Variants in RPTOR observed in about 807,000 individuals in gnomAD.
The protein encoded by RPTOR is regulatory-associated protein of mTOR.
Under a neutral mutation model 169.9 loss-of-function variants are expected in RPTOR, and 21 were observed. The observed-to-expected ratio is 0.12, with a 90% CI of 0.09 to 0.18. RPTOR has a LOEUF of 0.18. Among genes scored for constraint, RPTOR ranks in the 10% least tolerant of loss-of-function variants. The probability of loss-of-function intolerance (pLI) is 1.00; values close to 1 mark genes in which losing one functional copy is unlikely to be tolerated. For synonymous variants in RPTOR, 732 were observed against 753.2 expected (o/e 0.97, Z 0.46); for missense variants, 1,133 against 1,855.9 (o/e 0.61, Z 7.16).
At chr17:80,963,773 GCGGCCC>G (rs1263227375) in intron 33 of RPTOR, among the ~76,000 whole-genome samples, 1 of 126,554 alleles carries the variant, frequency 7.9e-6, no homozygotes, top group Non-Finnish European at 1.6e-5. Context: ...CGTCCCCTCT[GCGGCCC>G]TCACCCCGTC....
At chr17:80,906,222 A>G (rs1051177511) in intron 20 of RPTOR, among the ~76,000 whole-genome samples, 11 of 152,284 alleles carry the variant, frequency 7.2e-5, no homozygotes, top group Admixed American at 1.3e-4. Context: ...TAAAAAAAAA[A>G]AATGAGGACG....
intron 7 of RPTOR, among the ~76,000 whole-genome samples, chr17:80,814,790 G>C (rs115864624): frequency 0.031 from 4,789 of 152,284 alleles, 273 homozygotes; most frequent in African/African-American, 0.11. Context: ...CCTCAGCTTA[G>C]ACACAGCCTA....
Position 80,634,488 on chromosome 17 carries a change from CATACTGTGTGTGT to C in RPTOR, c.265+8696_265+8708del, listed in dbSNP as rs1474278850. 4.5e-3 allele frequency among the ~76,000 whole-genome samples: 370 copies of C among 82,074 alleles called. 5 individuals carry two copies. Among genetic ancestry groups the C allele is most frequent in the African/African-American group, 0.022 (335 of 14,998 alleles). The allele number at this position is 82,074 out of a possible 152,430, so 53.8% of individuals were successfully genotyped here. A position where few individuals can be genotyped will look rare whatever the true frequency, so the allele number is the denominator to read the frequency against. On this transcript the variant is annotated intron_variant, in intron 2 of 33. Coordinates refer to ENST00000306801, the MANE Select transcript of RPTOR (RefSeq NM_020761.3). ...TGTGTGCGTGTGCATACTGTGTGTG[CATACTGTGTGTGT>C]GCATACTGTGTGTGTGTGCGTACTG...
In RPTOR at chr17:80,768,452, A is replaced by G. The variant is rs137986345; in HGVS notation, c.830+14267A>G. Among the ~76,000 whole-genome samples, 1,402 of 152,308 alleles carry G rather than the reference A, an allele frequency of 9.2e-3. 18 individuals are homozygous for G. Among genetic ancestry groups the G allele is most frequent in the African/African-American group, 0.029 (1,185 of 41,560 alleles). ...AAAAGGAGCATTCAGAAAAGAATTA[A>G]GACTGTGCAGTTCAGCCCACAGTTG... On this transcript the variant is annotated intron_variant, in intron 6 of 33. Transcript: ENST00000306801.
intron 9 of RPTOR, among the ~76,000 whole-genome samples, chr17:80,825,200 C>T (rs1281269689): frequency 2.0e-5 from 3 of 149,592 alleles, no homozygotes; most frequent in African/African-American, 7.5e-5. Context: ...GGCCGCGTGG[C>T]GAGGCCAGCG....
chr17:80,811,989 A>T (rs2067278620), intron 7 of RPTOR, among the ~76,000 whole-genome samples: 2 of 151,980 alleles, frequency 1.3e-5, no homozygotes, highest in Non-Finnish European at 2.9e-5. Context: ...AGCCTCTTTA[A>T]CAAGGCCTCG....
At chr17:80,866,015 T>A (rs900910860) in intron 13 of RPTOR, among the ~76,000 whole-genome samples, 3 of 152,116 alleles carry the variant, frequency 2.0e-5, no homozygotes, top group Non-Finnish European at 4.4e-5. Flanking sequence ...AACTTTTAGA[T>A]AAATAAATGA....
intron 9 of RPTOR, among the ~76,000 whole-genome samples, chr17:80,828,188 T>C (rs1167479479): frequency 1.3e-5 from 2 of 152,160 alleles, no homozygotes; most frequent in Admixed American, 6.5e-5. Context: ...GCTTCCCCGG[T>C]GTCTGAACGA....
chr17:80,610,386 A>G (rs1191374068), intron 1 of RPTOR, among the ~76,000 whole-genome samples: 4 of 152,216 alleles, frequency 2.6e-5, no homozygotes, highest in Non-Finnish European at 2.9e-5. Context: ...CAATTACTGT[A>G]GCTCATTACG....
chr17:80,602,888 G>A (rs1049786529), intron 1 of RPTOR: 15 of 474,074 alleles, frequency 3.2e-5, no homozygotes, highest in Middle Eastern at 6.4e-4. Context: ...TTGCAGAATG[G>A]CCGTTTTTCT....
intron 21 of RPTOR, among the ~76,000 whole-genome samples, chr17:80,919,791 AG>A (rs2068723043): frequency 6.6e-6 from 1 of 152,366 alleles, no homozygotes; most frequent in Admixed American, 6.5e-5. Context: ...GGGGAGTGGA[AG>A]AAAGGCCCTG....
At position 80,751,643 on chromosome 17, in the gene RPTOR, G is replaced by A. The variant is rs536946255; in HGVS notation, c.655-2367G>A. ...CATCTCACCCCCACCCATATTCATC[G>A]TCACTTACAATATTCATTTACAATA... On this transcript the variant is annotated intron_variant, in intron 5 of 33. Coordinates refer to ENST00000306801, the MANE Select transcript of RPTOR (RefSeq NM_020761.3). Among the ~76,000 whole-genome samples the A allele has an allele frequency of 1.9e-4, 29 of 152,222 alleles. No homozygotes were observed. The South Asian group carries it at 3.1e-3, about 16-fold the overall frequency.
At chr17:80,831,201 C>T (rs543684742) in intron 9 of RPTOR, among the ~76,000 whole-genome samples, 27 of 152,314 alleles carry the variant, frequency 1.8e-4, no homozygotes, top group Non-Finnish European at 3.1e-4. Context: ...ACTAGCTCCA[C>T]GTCCTTCCCG....
At chr17:80,888,606 C>T (rs1453898649) in intron 17 of RPTOR, among the ~76,000 whole-genome samples, 2 of 152,320 alleles carry the variant, frequency 1.3e-5, no homozygotes, top group East Asian at 1.9e-4. Context: ...GGGCCCCCAG[C>T]GGGGCAGGAC....
intron 20 of RPTOR, among the ~76,000 whole-genome samples, chr17:80,908,099 G>A (rs868732111): frequency 9.9e-5 from 15 of 151,408 alleles, no homozygotes; most frequent in Middle Eastern, 3.4e-3. Context: ...CAGCCGCACC[G>A]ACGAATCCTC....
intron 4 of RPTOR, among the ~76,000 whole-genome samples, chr17:80,720,702 C>T (rs1368487354): frequency 6.6e-6 from 1 of 152,204 alleles, no homozygotes; most frequent in Non-Finnish European, 1.5e-5. Flanking sequence ...CATAGCGCTG[C>T]GGTGCCCATG....
At chr17:80,672,446 G>C (rs560056012) in intron 3 of RPTOR, among the ~76,000 whole-genome samples, 278 of 151,076 alleles carry the variant, frequency 1.8e-3, no homozygotes, top group Non-Finnish European at 3.0e-3. Flanking sequence ...TATATGAGGG[G>C]ACTTCAAAAA....
chr17:80,640,451 C>T (rs533758251), intron 2 of RPTOR, among the ~76,000 whole-genome samples: 1 of 152,242 alleles, frequency 6.6e-6, no homozygotes, highest in African/African-American at 2.4e-5. Context: ...AGCTCTCCCA[C>T]CCACTGCCCT....
chr17:80,557,904 C>T (rs182043858), intron 1 of RPTOR, among the ~76,000 whole-genome samples: 75 of 151,940 alleles, frequency 4.9e-4, no homozygotes, highest in Middle Eastern at 3.4e-3. Flanking sequence ...CCAGCCTGGG[C>T]GACAGAGCGA....
Sources: gnomAD v4.1 joint callset for allele counts (sites outside exome capture counted in the v4.1 genomes callset) on GRCh38, gnomAD v4.1.1 for gene constraint, MANE v1.5 for transcripts, NCBI Gene and HGNC (gene_info 2026-07-23, HGNC 2026-07-21) for gene names.